Variants in CPSF3 observed in about 807,000 individuals in gnomAD.
CPSF3 encodes the protein cleavage and polyadenylation specificity factor subunit 3.
In CPSF3, 57 loss-of-function variants were observed where a neutral mutation model predicts 84.1. The ratio of observed to expected loss-of-function variants is 0.68; its 90% CI spans 0.55 to 0.85. CPSF3 has a LOEUF of 0.85. Among genes scored for constraint, CPSF3 ranks in the 40% least tolerant of loss-of-function variants. The pLI is 0.00. For synonymous variants in CPSF3, 275 were observed against 278.1 expected, an observed-to-expected ratio of 0.99 and a Z score of 0.11; for missense variants, 522 against 838.8, an observed-to-expected ratio of 0.62 and a Z score of 4.66.
chr2:9,469,629 T>C (rs1175277406), intron 16 of CPSF3, among the ~76,000 whole-genome samples: 1 of 151,938 alleles, frequency 6.6e-6, no homozygotes, highest in African/African-American at 2.4e-5. Flanking sequence ...CTGACACCAC[T>C]CCTCCCGCCT....
In CPSF3 at chr2:9,467,851, C is replaced by T. The variant is rs191070527; in HGVS notation, c.1856+75C>T. 2.2e-4 allele frequency: 260 copies of T among 1,168,666 alleles called. No individual in the cohort carries two copies. In the African/African-American group the frequency reaches 2.6e-3, roughly 11 times the overall value. 72.4% of individuals were successfully genotyped at this position (1,168,666 alleles called of 1,614,324 possible). A position where few individuals can be genotyped will look rare whatever the true frequency, so the allele number is the denominator to read the frequency against. On this transcript the variant is annotated intron_variant, in intron 16 of 17. Coordinates refer to ENST00000238112, the MANE Select transcript of CPSF3 (RefSeq NM_016207.4). ...AGGAGCCCTGGATTCGGCTCTGACT[C>T]CTTCAAGGACTGGGGCGTGGCTCTG...
chr2:9,458,927 A>G (rs375857012), intron 14 of CPSF3, among the ~76,000 whole-genome samples: 40 of 152,240 alleles, frequency 2.6e-4, no homozygotes, highest in African/African-American at 8.9e-4. Context: ...AGGCTGACCA[A>G]CATGGAGAAA....
At position 9,469,433 on chromosome 2, in the gene CPSF3, G is replaced by A. The variant is rs112821214; in HGVS notation, c.1856+1657G>A. 1.8e-3 allele frequency among the ~76,000 whole-genome samples: 277 copies of A among 152,192 alleles called. 2 individuals are homozygous for A. Among genetic ancestry groups the A allele is most frequent in the South Asian group, 0.011 (53 of 4,814 alleles). On this transcript the variant is annotated intron_variant, in intron 16 of 17. Coordinates refer to ENST00000238112, the MANE Select transcript of CPSF3 (RefSeq NM_016207.4). ...GTTCTGTTGGCGGCCCTGTTCCCTG[G>A]GGCTCTACAAGAATAGAAAACCCGT...
chr2:9,432,447 T>G lies in CPSF3; in HGVS notation c.342-64T>G, dbSNP rs1680624210. 5 of 1,157,420 alleles carry G rather than the reference T, an allele frequency of 4.3e-6. No homozygotes were observed. In the Admixed American group the frequency reaches 1.4e-4, roughly 33 times the overall value. The allele number at this position is 1,157,420 out of a possible 1,614,324, so 71.7% of individuals were successfully genotyped here. A position where few individuals can be genotyped will look rare whatever the true frequency, so the allele number is the denominator to read the frequency against. On this transcript the variant is annotated intron_variant, in intron 4 of 17. Coordinates refer to ENST00000238112, the MANE Select transcript of CPSF3 (RefSeq NM_016207.4). The stretch of plus-strand genomic sequence containing the variant: ...GGAGATGTTATCCACAATTTCTTTG[T>G]GTTCAAAGGCTTTTTAAAAAATCTG...
At chr2:9,433,291 C>G (rs1680661074) in intron 5 of CPSF3, among the ~76,000 whole-genome samples, 1 of 152,198 alleles carries the variant, frequency 6.6e-6, no homozygotes, top group Non-Finnish European at 1.5e-5. Flanking sequence ...TGGCCTTTTC[C>G]TTTTCGAGTT....
intron 9 of CPSF3, 106 bp from the exon 10 acceptor site, chr2:9,443,409 G>T: frequency 1.9e-6 from 2 of 1,077,778 alleles, no homozygotes; most frequent in Non-Finnish European, 2.7e-6. Context: ...TTGTGCGTAA[G>T]GTCCTAAATT....
At chr2:9,447,830 A>G (rs1681176819) in intron 10 of CPSF3, among the ~76,000 whole-genome samples, 4 of 152,192 alleles carry the variant, frequency 2.6e-5, no homozygotes, top group Admixed American at 2.6e-4. Context: ...GTAGGGTAGC[A>G]ATAGTTTTGT....
At chr2:9,465,617 A>G (rs1039873045) in intron 15 of CPSF3, among the ~76,000 whole-genome samples, 4 of 152,062 alleles carry the variant, frequency 2.6e-5, no homozygotes, top group African/African-American at 9.7e-5. Context: ...GGTTATGTAT[A>G]TTTATTATTT....
chr2:9,427,470 A>C (rs1004301326), intron 1 of CPSF3, among the ~76,000 whole-genome samples: 12 of 152,222 alleles, frequency 7.9e-5, no homozygotes, highest in Admixed American at 6.5e-4. Flanking sequence ...GAAATGGAGA[A>C]AACAGCCAGG....
At chr2:9,424,340 G>A (rs1680260336) in intron 1 of CPSF3, 1 of 802,862 alleles carries the variant, frequency 1.2e-6, no homozygotes, top group Non-Finnish European at 1.5e-6. Flanking sequence ...TCAGGCCCTA[G>A]TAGAATAAGG....
rs1244212225 is a variant in CPSF3, at chr2:9,448,356, A to T, written c.1395+6A>T. Reference sequence around the variant, plus strand: ...GAGGAGAAAAACTAGCCAAGGTAAAAGGTTATGGTTCCTGTCTGTCCAATC... The same window carrying T: ...GAGGAGAAAAACTAGCCAAGGTAAATGGTTATGGTTCCTGTCTGTCCAATC... On this transcript the variant is annotated splice_donor_region_variant and intron_variant, in intron 11 of 17. Coordinates refer to ENST00000238112, the MANE Select transcript of CPSF3 (RefSeq NM_016207.4). 6.2e-7 allele frequency: 1 copy of T among 1,608,116 alleles called. No individual in the cohort carries two copies.
At chr2:9,445,372 G>A (rs1681095997) in intron 10 of CPSF3, among the ~76,000 whole-genome samples, 2 of 152,146 alleles carry the variant, frequency 1.3e-5, no homozygotes, top group Admixed American at 1.3e-4. Flanking sequence ...GTGGACACTC[G>A]GGTTGTGTCA....
chr2:9,424,593 A>G (rs1217746176), intron 1 of CPSF3: 3 of 152,264 alleles, frequency 2.0e-5, no homozygotes, highest in African/African-American at 7.2e-5. Flanking sequence ...AAAGGTAGAA[A>G]GTATCTCCTT....
chr2:9,424,375 A>C, intron 1 of CPSF3: 1 of 600,072 alleles, frequency 1.7e-6, no homozygotes, highest in Non-Finnish European at 2.1e-6. Flanking sequence ...GAGAAGAGAA[A>C]GTGCAGAGGT....
At chr2:9,471,821 G>C (rs1317320126) in intron 17 of CPSF3, among the ~76,000 whole-genome samples, 2 of 151,646 alleles carry the variant, frequency 1.3e-5, no homozygotes, top group Non-Finnish European at 2.9e-5. Flanking sequence ...GGGCAACACA[G>C]TTAAACCCCA....
At chr2:9,456,241 T>G (rs1170201593) in intron 13 of CPSF3, among the ~76,000 whole-genome samples, 1 of 152,216 alleles carries the variant, frequency 6.6e-6, no homozygotes, top group African/African-American at 2.4e-5. Context: ...CTTTCATTAT[T>G]AGACCATTTG....
In CPSF3 at chr2:9,423,750, C is replaced by G. The variant is rs373078148; in HGVS notation, c.-24C>G. On this transcript the variant is annotated 5_prime_UTR_variant, in exon 1 of 18. Transcript: ENST00000238112. ...GACCCCGGCGACCTGTTCCTCACCCCCGCTTCGCCCTCACACTTTCGGGAT... is the reference window on the plus strand; with the variant it reads ...GACCCCGGCGACCTGTTCCTCACCCGCGCTTCGCCCTCACACTTTCGGGAT... The G allele has an allele frequency of 1.2e-6, 2 of 1,612,646 alleles. No homozygotes were observed. The highest frequency in any genetic ancestry group is 2.2e-5 in the East Asian group (1 of 44,756).
intron 1 of CPSF3, chr2:9,424,113 A>G (rs1680236245): frequency 8.5e-6 from 10 of 1,172,072 alleles, no homozygotes; most frequent in Non-Finnish European, 1.1e-5. Context: ...CGTACACGCT[A>G]AGAAGCGTTT....
intron 7 of CPSF3, among the ~76,000 whole-genome samples, chr2:9,438,921 A>C (rs1025982053): frequency 6.6e-6 from 1 of 152,182 alleles, no homozygotes; most frequent in Non-Finnish European, 1.5e-5. Flanking sequence ...GAAATCTATC[A>C]TATGGCTAGA....
Sources: gnomAD v4.1 joint callset for allele counts (sites outside exome capture counted in the v4.1 genomes callset) on GRCh38, gnomAD v4.1.1 for gene constraint, MANE v1.5 for transcripts, NCBI Gene and HGNC (gene_info 2026-07-23, HGNC 2026-07-21) for gene names.